Variants in RAP1GAP2 observed in about 807,000 individuals in gnomAD.
RAP1GAP2 encodes rap1 GTPase-activating protein 2.
Under a neutral mutation model 95.0 loss-of-function variants are expected in RAP1GAP2, and 27 were observed. The observed-to-expected ratio is 0.28, with a 90% CI of 0.21 to 0.39. The LOEUF (loss-of-function observed/expected upper bound fraction) is 0.39. RAP1GAP2 is among the 10% of genes least tolerant of loss of function. The pLI, the probability that RAP1GAP2 is intolerant of heterozygous loss-of-function variation, is 1.00. For synonymous variants in RAP1GAP2, 373 were observed against 380.9 expected, an observed-to-expected ratio of 0.98 and a Z score of 0.24; for missense variants, 771 against 970.0, an observed-to-expected ratio of 0.79 and a Z score of 2.72.
chr17:2,984,507 G>A (rs1214100093), intron 10 of RAP1GAP2, among the ~76,000 whole-genome samples: 4 of 152,092 alleles, frequency 2.6e-5, no homozygotes, highest in Non-Finnish European at 2.9e-5. Context: ...CCTCCTTAGC[G>A]TGGTCTCCTT....
chr17:2,882,616 G>C (rs1380292090), intron 2 of RAP1GAP2, among the ~76,000 whole-genome samples: 1 of 152,152 alleles, frequency 6.6e-6, no homozygotes, highest in African/African-American at 2.4e-5. Context: ...GTAGAGATGG[G>C]GTTTCGCCAC....
intron 2 of RAP1GAP2, among the ~76,000 whole-genome samples, chr17:2,882,500 C>G (rs1280895301): frequency 2.6e-5 from 4 of 151,956 alleles, no homozygotes; most frequent in Non-Finnish European, 5.9e-5. Flanking sequence ...CCACGTTGGC[C>G]AGGCTGGTCT....
At position 2,871,850 on chromosome 17, in the gene RAP1GAP2, T is replaced by A. The variant is rs144020734; in HGVS notation, c.81-33434T>A. ...AATATTATTTGAAATAGCAAAACACTGGAAACAACCAAATCCCTATTCATA... is the reference window on the plus strand; with the variant it reads ...AATATTATTTGAAATAGCAAAACACAGGAAACAACCAAATCCCTATTCATA... On this transcript the variant is annotated intron_variant, in intron 2 of 24. Transcript: ENST00000254695. This position sits in a 1 kb window ranked among gnomAD's most constrained non-coding sequence, Gnocchi z 5.0. Among the ~76,000 whole-genome samples, 190 of 152,220 alleles carry A rather than the reference T, an allele frequency of 1.2e-3. No individual in the cohort carries two copies. Among genetic ancestry groups the A allele is most frequent in the African/African-American group, 4.5e-3 (187 of 41,556 alleles).
upstream of RAP1GAP2, among the ~76,000 whole-genome samples, chr17:2,776,841 AGG>A (rs2068513081): frequency 1.4e-5 from 2 of 146,938 alleles, no homozygotes; most frequent in African/African-American, 5.0e-5. Flanking sequence ...GAGGAGGAGG[AGG>A]AGGAGGAGGA....
At chr17:3,022,426 G>T (rs1234441439) in intron 19 of RAP1GAP2, among the ~76,000 whole-genome samples, 1 of 152,158 alleles carries the variant, frequency 6.6e-6, no homozygotes, top group Non-Finnish European at 1.5e-5. Context: ...ATACCCAAGA[G>T]AGTTGAGAAC....
At chr17:3,002,471 C>T (rs1354246878) in intron 14 of RAP1GAP2, among the ~76,000 whole-genome samples, 1 of 152,206 alleles carries the variant, frequency 6.6e-6, no homozygotes, top group Non-Finnish European at 1.5e-5. Flanking sequence ...AAGCGCTGTC[C>T]ATCCACACTC....
Position 2,965,797 on chromosome 17 carries a change from G to A in RAP1GAP2, c.596+154G>A. 2 of 630,832 alleles carry A rather than the reference G, an allele frequency of 3.2e-6. No individual in the cohort carries two copies. The highest frequency in any genetic ancestry group is 2.9e-5 in the Admixed American group (1 of 34,292). 39.1% of individuals were successfully genotyped at this position (630,832 alleles called of 1,614,324 possible). ...ACAGGCCTGCTGGAATCCTGGGGCT[G>A]TGTCTGAAGTTGCCTAGCAGGGAGA... is the stretch of plus-strand genomic sequence containing the variant. On this transcript the variant is annotated intron_variant, in intron 8 of 24. Transcript: ENST00000254695. This position sits in a 1 kb window ranked among gnomAD's most constrained non-coding sequence, Gnocchi z 4.7.
At chr17:2,824,671 C>T (rs1429004041) in intron 2 of RAP1GAP2, among the ~76,000 whole-genome samples, 1 of 135,822 alleles carries the variant, frequency 7.4e-6, no homozygotes, top group Non-Finnish European at 1.5e-5. Context: ...ACCTGGGAGG[C>T]GGAGGTTGCA....
chr17:2,802,361 G>A (rs11870228), intron 2 of RAP1GAP2, among the ~76,000 whole-genome samples: 9,738 of 152,242 alleles, frequency 0.064, 426 homozygotes, highest in Non-Finnish European at 0.093. Context: ...TCGCAGGGCC[G>A]GGATGGAGGA....
intron 19 of RAP1GAP2, among the ~76,000 whole-genome samples, chr17:3,024,688 A>T (rs1430525202): frequency 2.9e-4 from 44 of 152,274 alleles, no homozygotes; most frequent in Non-Finnish European, 4.4e-5. Flanking sequence ...ATGAATGGAT[A>T]AACAAAGCGC....
intron 8 of RAP1GAP2, among the ~76,000 whole-genome samples, chr17:2,969,996 G>A (rs1380735089): frequency 1.3e-5 from 2 of 151,650 alleles, no homozygotes; most frequent in African/African-American, 4.8e-5. Flanking sequence ...CCCCTGGGCC[G>A]GGCATCGTGG....
intron 2 of RAP1GAP2, among the ~76,000 whole-genome samples, chr17:2,898,647 G>C (rs1207458783): frequency 6.6e-6 from 1 of 152,212 alleles, no homozygotes; most frequent in East Asian, 1.9e-4. Context: ...CGAGTGCCCA[G>C]ATCTGAAGAT....
rs569702326 is a variant in RAP1GAP2 at position 2,796,975 on chromosome 17, C to T, written c.44+404C>T. ...GTGTGTGTGGCTGTGACTGCCAGTC[C>T]GTGTGACCGTGTGTGAGGTGTGTGC... On this transcript the variant is annotated intron_variant, in intron 1 of 24. Coordinates refer to ENST00000254695, the MANE Select transcript of RAP1GAP2 (RefSeq NM_015085.5). This position sits in a 1 kb window ranked among gnomAD's most constrained non-coding sequence, Gnocchi z 4.7. Among the ~76,000 whole-genome samples the T allele has an allele frequency of 1.3e-4, 20 of 152,000 alleles. No homozygotes were observed. The highest frequency in any genetic ancestry group is 4.6e-4 in the African/African-American group (19 of 41,438).
At chr17:3,032,769 T>C (rs1319950083) in intron 24 of RAP1GAP2, among the ~76,000 whole-genome samples, 1 of 152,200 alleles carries the variant, frequency 6.6e-6, no homozygotes, top group Non-Finnish European at 1.5e-5. Flanking sequence ...GAGGAGTTCC[T>C]GAGGGCTCCC....
At chr17:2,835,440 C>T (rs1288881515) in intron 2 of RAP1GAP2, among the ~76,000 whole-genome samples, 3 of 152,144 alleles carry the variant, frequency 2.0e-5, no homozygotes, top group Admixed American at 2.0e-4. Flanking sequence ...AGGATGGTCT[C>T]GAACTCCTGA....
chr17:2,878,011 G>A (rs1416244292), intron 2 of RAP1GAP2, among the ~76,000 whole-genome samples: 1 of 152,068 alleles, frequency 6.6e-6, no homozygotes, highest in Non-Finnish European at 1.5e-5. Flanking sequence ...CGTGTAGGAG[G>A]CAGAGTGAAA....
chr17:2,853,026 G>T (rs1189602018), intron 2 of RAP1GAP2, among the ~76,000 whole-genome samples: 2 of 152,076 alleles, frequency 1.3e-5, no homozygotes. Context: ...CGCCCGGCCC[G>T]CCAGGAGGAA....
At chr17:2,923,473 C>T (rs942587836) in intron 3 of RAP1GAP2, among the ~76,000 whole-genome samples, 4 of 151,438 alleles carry the variant, frequency 2.6e-5, no homozygotes, top group Admixed American at 1.3e-4. Context: ...GGATTACAGA[C>T]GCATACCACC....
intron 1 of RAP1GAP2, among the ~76,000 whole-genome samples, chr17:2,783,551 G>C (rs1030868271): frequency 1.3e-5 from 2 of 152,236 alleles, no homozygotes; most frequent in African/African-American, 4.8e-5. Flanking sequence ...AGGGACTGTT[G>C]CAGAGTGGCA....
Sources: gnomAD v4.1 joint callset for allele counts (sites outside exome capture counted in the v4.1 genomes callset) on GRCh38, gnomAD v4.1.1 for gene constraint, Gnocchi (gnomAD v3.1) non-coding constraint, MANE v1.5 for transcripts, NCBI Gene and HGNC (gene_info 2026-07-23, HGNC 2026-07-21) for gene names.